Variants in AGBL4 observed in about 807,000 individuals in gnomAD.
AGBL4 encodes AGBL carboxypeptidase 4.
A neutral mutation model predicts 66.4 loss-of-function variants in AGBL4; 58 were observed. The ratio of observed to expected loss-of-function variants is 0.87; its 90% CI spans 0.71 to 1.09. AGBL4 has a LOEUF of 1.09. Ranked by LOEUF, AGBL4 falls within the 50% of genes least tolerant of loss-of-function variation. The pLI, the probability that AGBL4 is intolerant of heterozygous loss-of-function variation, is 0.00. For synonymous variants in AGBL4, 234 were observed against 222.9 expected (o/e 1.05, Z -0.44); for missense variants, 579 against 631.0 (o/e 0.92, Z 0.88).
At chr1:49,737,348 A>G (rs1649980066) in intron 2 of AGBL4, among the ~76,000 whole-genome samples, 1 of 152,242 alleles carries the variant, frequency 6.6e-6, no homozygotes, top group Admixed American at 6.5e-5. Flanking sequence ...AACACTACTC[A>G]GAAATAAAAA....
intron 1 of AGBL4, among the ~76,000 whole-genome samples, chr1:49,852,012 G>A (rs1014063735): frequency 6.6e-6 from 1 of 152,102 alleles, no homozygotes; most frequent in Non-Finnish European, 1.5e-5. Flanking sequence ...GAAACAATTT[G>A]AGAAACACTG....
chr1:49,017,341 G>C (rs971195125), intron 5 of AGBL4, among the ~76,000 whole-genome samples: 1 of 152,132 alleles, frequency 6.6e-6, no homozygotes, highest in African/African-American at 2.4e-5. Flanking sequence ...TTTTAGAATA[G>C]TGGTATGACA....
intron 1 of AGBL4, among the ~76,000 whole-genome samples, chr1:50,011,075 G>A (rs1362119974): frequency 6.6e-6 from 1 of 151,998 alleles, no homozygotes; most frequent in Non-Finnish European, 1.5e-5. Flanking sequence ...CCATAACACA[G>A]AGAAGGAATT....
chr1:48,532,409 G>A (rs1003297485), downstream of AGBL4, among the ~76,000 whole-genome samples: 1 of 152,146 alleles, frequency 6.6e-6, no homozygotes, highest in Non-Finnish European at 1.5e-5. Context: ...AAAGTTGCCT[G>A]GCTCCAAGTT....
At chr1:49,514,058 T>C (rs1048286027) in intron 3 of AGBL4, among the ~76,000 whole-genome samples, 1 of 151,960 alleles carries the variant, frequency 6.6e-6, no homozygotes, top group African/African-American at 2.4e-5. Context: ...GTGATTTTTG[T>C]ACATTGATTT....
chr1:48,658,280 A>G (rs949147217), intron 7 of AGBL4, among the ~76,000 whole-genome samples: 13 of 152,234 alleles, frequency 8.5e-5, no homozygotes, highest in African/African-American at 3.1e-4. Context: ...TAATTTGCAT[A>G]TGCCTGCATG....
At chr1:48,586,888 C>G in intron 11 of AGBL4, 116 bp downstream of exon 11, 1 of 1,367,720 alleles carries the variant, frequency 7.3e-7, no homozygotes, top group Non-Finnish European at 1.0e-6. Flanking sequence ...CACCTCCATC[C>G]TCACCTGAGA....
rs1202281812 is a variant in AGBL4, at chr1:48,893,827, T to C, written c.595-26597A>G. 3.3e-5 allele frequency among the ~76,000 whole-genome samples: 5 copies of C among 152,148 alleles called. No individual in the cohort carries two copies. In the East Asian group the frequency reaches 9.6e-4, roughly 29 times the overall value. Reference sequence around the variant, plus strand: ...GGCCCTCAGCAGAACCCAACCATGCTAACACTACGATCTCAGTCTTTCAGC... The same window carrying C: ...GGCCCTCAGCAGAACCCAACCATGCCAACACTACGATCTCAGTCTTTCAGC... On this transcript the variant is annotated intron_variant, in intron 5 of 13. Coordinates refer to ENST00000371839, the MANE Select transcript of AGBL4 (RefSeq NM_032785.4).
intron 8 of AGBL4, among the ~76,000 whole-genome samples, chr1:48,641,809 G>T (rs1295991266): frequency 6.6e-6 from 1 of 152,144 alleles, no homozygotes; most frequent in East Asian, 1.9e-4. Flanking sequence ...TATGTTCTTA[G>T]CCACCATTAT....
intron 3 of AGBL4, among the ~76,000 whole-genome samples, chr1:49,257,884 C>T (rs1020335275): frequency 1.3e-5 from 2 of 152,148 alleles, no homozygotes; most frequent in Non-Finnish European, 2.9e-5. Context: ...ACCCCTGATC[C>T]CTGAGCAGCC....
chr1:48,818,677 T>C (rs1428813318), intron 6 of AGBL4, among the ~76,000 whole-genome samples: 1 of 152,108 alleles, frequency 6.6e-6, no homozygotes, highest in Non-Finnish European at 1.5e-5. Context: ...CAACTATATA[T>C]TAACATGGAA....
intron 4 of AGBL4, among the ~76,000 whole-genome samples, chr1:49,081,271 C>T (rs1185582196): frequency 6.6e-6 from 1 of 152,094 alleles, no homozygotes; most frequent in Non-Finnish European, 1.5e-5. Flanking sequence ...AAGAGCATCC[C>T]ATATAAAAAT....
intron 1 of AGBL4, among the ~76,000 whole-genome samples, chr1:49,970,748 T>C (rs200284343): frequency 0.035 from 1,182 of 33,634 alleles, 6 homozygotes; most frequent in South Asian, 0.074. Flanking sequence ...CACACACACA[T>C]ACACAAACAA....
intron 4 of AGBL4, among the ~76,000 whole-genome samples, chr1:49,113,110 C>T (rs375820048): frequency 6.6e-6 from 1 of 152,020 alleles, no homozygotes; most frequent in Admixed American, 6.6e-5. Flanking sequence ...GCCACCACGC[C>T]TGGCTAATTT....
chr1:49,610,261 G>A (rs1490900076), intron 3 of AGBL4, among the ~76,000 whole-genome samples: 5 of 152,218 alleles, frequency 3.3e-5, no homozygotes, highest in African/African-American at 7.2e-5. Flanking sequence ...TTGCATGGGA[G>A]TGTTATTTTC....
chr1:49,672,593 T>C (rs148640087), intron 3 of AGBL4, among the ~76,000 whole-genome samples: 1 of 127,932 alleles, frequency 7.8e-6, no homozygotes, highest in African/African-American at 2.9e-5. Context: ...AAACAAAAAA[T>C]TAAAAATTGA....
intron 1 of AGBL4, among the ~76,000 whole-genome samples, chr1:49,949,269 A>G (rs1045887516): frequency 6.6e-6 from 1 of 151,960 alleles, no homozygotes; most frequent in African/African-American, 2.4e-5. Context: ...AAATTCTAAA[A>G]AATAACATCA....
intron 1 of AGBL4, among the ~76,000 whole-genome samples, chr1:49,927,642 A>G (rs768858414): frequency 6.6e-6 from 1 of 152,020 alleles, no homozygotes; most frequent in Admixed American, 6.6e-5. Flanking sequence ...GCCAAACCGT[A>G]TCACAGTTTA....
chr1:48,780,533 G>A (rs1187610408), intron 6 of AGBL4, among the ~76,000 whole-genome samples: 1 of 151,864 alleles, frequency 6.6e-6, no homozygotes, highest in East Asian at 1.9e-4. Context: ...AACCATACTA[G>A]AAGGCTACAG....
Sources: gnomAD v4.1 joint callset for allele counts (sites outside exome capture counted in the v4.1 genomes callset) on GRCh38, gnomAD v4.1.1 for gene constraint, MANE v1.5 for transcripts, NCBI Gene and HGNC (gene_info 2026-07-23, HGNC 2026-07-21) for gene names.